Variants in AKAP10 observed in about 807,000 individuals in gnomAD.
The protein encoded by AKAP10 is A-kinase anchor protein 10, mitochondrial.
A neutral mutation model predicts 80.8 loss-of-function variants in AKAP10; 24 were observed. That is an observed-to-expected ratio of 0.30 (90% CI 0.22 to 0.42). The LOEUF is 0.42. AKAP10 is among the 10% of genes least tolerant of loss of function. The pLI is 1.00. For synonymous variants in AKAP10, 291 were observed against 277.7 expected (o/e 1.05, Z -0.48); for missense variants, 661 against 794.9 (o/e 0.83, Z 2.03).
At chr17:19,947,083 G>A (rs1362557237) in intron 5 of AKAP10, 6 of 275,374 alleles carry the variant, frequency 2.2e-5, no homozygotes, top group Non-Finnish European at 4.1e-5. Flanking sequence ...TTCGTGCACT[G>A]GTGCGGGGCT....
intron 12 of AKAP10, among the ~76,000 whole-genome samples, chr17:19,911,084 T>C (rs763811623): frequency 8.5e-5 from 13 of 152,172 alleles, no homozygotes; most frequent in Non-Finnish European, 1.9e-4. Flanking sequence ...AAAACCTGGA[T>C]CCTTTTCCCT....
At chr17:19,962,776 G>T in intron 3 of AKAP10, 64 bp downstream of exon 3, 1 of 1,505,534 alleles carries the variant, frequency 6.6e-7, no homozygotes, top group South Asian at 1.2e-5. Context: ...TCCTATGACA[G>T]AAGTTTCACA....
rs1271697606 is a variant in AKAP10 at position 19,924,426 on chromosome 17, T to A, written c.1733A>T (p.Tyr578Phe). 6.2e-7 allele frequency: 1 copy of A among 1,604,202 alleles called. No homozygotes were observed. Reference protein sequence around the residue: ...DAASLDPESLYQRTYAGKMTF... With the variant: ...DAASLDPESLFQRTYAGKMTF... ...AGCTTACCCGGCATATGTCCGTTGA[T>A]ATAAAGATTCTGGATCCAGACTTGC... The change falls in exon 11 of 15, where the codon TAT (tyrosine) becomes TTT (phenylalanine). Residue 578 changes from tyrosine (Y) to phenylalanine (F), a missense_variant. Tyr to Phe is a conservative substitution (Grantham distance 22). Coordinates refer to ENST00000225737, the MANE Select transcript of AKAP10 (RefSeq NM_007202.4).
At chr17:19,967,160 T>C (rs998844441) in intron 2 of AKAP10, among the ~76,000 whole-genome samples, 6 of 152,162 alleles carry the variant, frequency 3.9e-5, no homozygotes, top group Non-Finnish European at 8.8e-5. Context: ...GAAATTAATA[T>C]GTAATGACTA....
chr17:19,940,858 T>G lies in AKAP10; in HGVS notation c.1185+29A>C, dbSNP rs369221816. ...ATAGTTAGAGGCTGGAATGCTCGAA[T>G]AGAGTGTGAAAAGAAATGCAGACTT... On this transcript the variant is annotated intron_variant, in intron 7 of 14. Coordinates refer to ENST00000225737, the MANE Select transcript of AKAP10 (RefSeq NM_007202.4). 9 of 1,575,298 alleles carry G rather than the reference T, an allele frequency of 5.7e-6. No individual in the cohort carries two copies. In the East Asian group the frequency reaches 1.8e-4, roughly 32 times the overall value.
intron 4 of AKAP10, among the ~76,000 whole-genome samples, chr17:19,950,428 G>GC (rs1440345089): frequency 6.6e-6 from 1 of 152,196 alleles, no homozygotes; most frequent in Non-Finnish European, 1.5e-5. Flanking sequence ...TCCTGCCTCA[G>GC]CCTGCAGAGT....
chr17:19,924,428 T>A lies in AKAP10; in HGVS notation c.1731A>T (p.Leu577Phe). Residue 577 changes from leucine to phenylalanine, a missense_variant, in exon 11 of 15, where the codon TTA (leucine) becomes TTT (phenylalanine). Transcript: ENST00000225737. ...VDAASLDPES[L>F]YQRTYAGKMT... ...CTTACCCGGCATATGTCCGTTGATATAAAGATTCTGGATCCAGACTTGCCG... is the reference window on the plus strand; with the variant it reads ...CTTACCCGGCATATGTCCGTTGATAAAAAGATTCTGGATCCAGACTTGCCG... The A allele has an allele frequency of 1.2e-6, 2 of 1,604,502 alleles. No homozygotes were observed. Among genetic ancestry groups the A allele is most frequent in the Non-Finnish European group, 1.7e-6 (2 of 1,174,682 alleles).
chr17:19,906,528 T>C (rs2042633057), intron 14 of AKAP10, among the ~76,000 whole-genome samples: 1 of 152,208 alleles, frequency 6.6e-6, no homozygotes, highest in Admixed American at 6.5e-5. Context: ...ATATTGCCAA[T>C]TTTCAATAGA....
intron 11 of AKAP10, among the ~76,000 whole-genome samples, chr17:19,920,735 T>G (rs1320380120): frequency 6.6e-6 from 1 of 151,390 alleles, no homozygotes; most frequent in Non-Finnish European, 1.5e-5. Context: ...CCCAGCTACT[T>G]GGGAGGCTAA....
intron 3 of AKAP10, among the ~76,000 whole-genome samples, chr17:19,959,849 T>TC (rs1217972740): frequency 6.6e-6 from 1 of 152,246 alleles, no homozygotes. Context: ...TTCATCTTTG[T>TC]CAACATCACA....
intron 1 of AKAP10, among the ~76,000 whole-genome samples, chr17:19,969,185 AAT>A: frequency 6.6e-6 from 1 of 152,064 alleles, no homozygotes; most frequent in Admixed American, 6.6e-5. Context: ...CTCTACTAAA[AAT>A]ACAAAACAAT....
chr17:19,941,141 G>A lies in AKAP10; in HGVS notation c.1062-131C>T, dbSNP rs1325492921. 5 of 916,144 alleles carry A rather than the reference G, an allele frequency of 5.5e-6. No homozygotes were observed. In the Admixed American group the frequency reaches 1.0e-4, roughly 18 times the overall value. 56.8% of individuals were successfully genotyped at this position (916,144 alleles called of 1,614,324 possible). A position where few individuals can be genotyped will look rare whatever the true frequency, so the allele number is the denominator to read the frequency against. The stretch of plus-strand genomic sequence containing the variant: ...GGTCAACACTACCTTACTCCCCATG[G>A]TGTCATTCCTGATTCCTTTACCTGT... On this transcript the variant is annotated intron_variant, in intron 6 of 14. Transcript: ENST00000225737.
chr17:19,947,296 G>C (rs1474412393), intron 5 of AKAP10, 111 bp downstream of exon 5: 2 of 796,896 alleles, frequency 2.5e-6, no homozygotes, highest in Non-Finnish European at 4.2e-6. Flanking sequence ...ATTAGGAAGG[G>C]AACTGCTAAA....
At chr17:19,934,400 T>C (rs996189233) in intron 9 of AKAP10, among the ~76,000 whole-genome samples, 1 of 152,098 alleles carries the variant, frequency 6.6e-6, no homozygotes, top group Non-Finnish European at 1.5e-5. Flanking sequence ...AAGGCTGGAG[T>C]GCAGGGGCAT....
At chr17:19,952,479 T>C (rs1489009359) in intron 4 of AKAP10, among the ~76,000 whole-genome samples, 1 of 150,862 alleles carries the variant, frequency 6.6e-6, no homozygotes, top group Non-Finnish European at 1.5e-5. Context: ...AATAAATAAA[T>C]AAATAAATAA....
At chr17:19,918,641 T>C (rs1469756501) in intron 12 of AKAP10, among the ~76,000 whole-genome samples, 1 of 152,204 alleles carries the variant, frequency 6.6e-6, no homozygotes, top group South Asian at 2.1e-4. Context: ...ATCTTAAACA[T>C]ACTTATCAAA....
intron 10 of AKAP10, among the ~76,000 whole-genome samples, chr17:19,927,755 CAA>C (rs774689745): frequency 4.6e-5 from 7 of 151,460 alleles, no homozygotes; most frequent in Non-Finnish European, 8.8e-5. Flanking sequence ...AAAAAAAATA[CAA>C]AAGTTAGCTG....
At chr17:19,917,672 C>T (rs1436375631) in intron 12 of AKAP10, among the ~76,000 whole-genome samples, 2 of 152,162 alleles carry the variant, frequency 1.3e-5, no homozygotes, top group Admixed American at 6.5e-5. Context: ...TACAAGCTCA[C>T]GCCTGTAAGC....
chr17:19,947,233 G>A (rs72841983), intron 5 of AKAP10, 174 bp downstream of exon 5: 10,574 of 596,594 alleles, frequency 0.018, 146 homozygotes, highest in Admixed American at 0.025. Flanking sequence ...GAATGCAGCC[G>A]AGAAACTTTT....
Sources: gnomAD v4.1 joint callset for allele counts (sites outside exome capture counted in the v4.1 genomes callset) on GRCh38, gnomAD v4.1.1 for gene constraint, MANE v1.5 for transcripts, NCBI Gene and HGNC (gene_info 2026-07-23, HGNC 2026-07-21) for gene names.